Variants in HRH1 observed in about 807,000 individuals in gnomAD.
HRH1 encodes the protein histamine receptor H1, also known as histamine H1 receptor.
HRH1 carries 6 observed loss-of-function variants against 10.3 expected under a neutral mutation model. That is an observed-to-expected ratio of 0.58 (90% CI 0.32 to 1.15). The LOEUF (loss-of-function observed/expected upper bound fraction) is 1.15, where lower values mean the gene tolerates loss of function less well. Ranked by LOEUF, HRH1 falls within the 50% of genes most tolerant of loss-of-function variation. The pLI, the probability that HRH1 is intolerant of heterozygous loss-of-function variation, is 0.05. For missense variants in HRH1, 514 were observed against 615.3 expected (o/e 0.84, Z 1.74); for synonymous variants, 242 against 236.7 (o/e 1.02, Z -0.21).
chr3:11,217,243 A>G (rs1938539929), intron 1 of HRH1, among the ~76,000 whole-genome samples: 1 of 151,468 alleles, frequency 6.6e-6, no homozygotes, highest in Non-Finnish European at 1.5e-5. Flanking sequence ...AGAAAAACAA[A>G]GTGGGGCCAG....
chr3:11,190,253 T>C (rs1376113617), intron 1 of HRH1, among the ~76,000 whole-genome samples: 1 of 151,692 alleles, frequency 6.6e-6, no homozygotes, highest in African/African-American at 2.4e-5. Context: ...GGCTCACACC[T>C]GTAATCCCAG....
chr3:11,208,920 G>T (rs1938229233), intron 1 of HRH1, among the ~76,000 whole-genome samples: 1 of 152,148 alleles, frequency 6.6e-6, no homozygotes, highest in Admixed American at 6.5e-5. Flanking sequence ...ACATTTTAAA[G>T]ATTTTGAGTA....
chr3:11,140,330 C>T (rs987180197), intron 1 of HRH1, among the ~76,000 whole-genome samples: 2 of 151,992 alleles, frequency 1.3e-5, no homozygotes, highest in African/African-American at 2.4e-5. Flanking sequence ...GCAAAATAAG[C>T]GCCTTCCTCC....
chr3:11,235,509 T>C (rs1939156991), intron 1 of HRH1, among the ~76,000 whole-genome samples: 1 of 152,014 alleles, frequency 6.6e-6, no homozygotes, highest in Admixed American at 6.6e-5. Context: ...GGGAGCTCCA[T>C]CTCCCCACTA....
At chr3:11,231,549 A>G (rs993306514) in intron 1 of HRH1, among the ~76,000 whole-genome samples, 3 of 152,202 alleles carry the variant, frequency 2.0e-5, no homozygotes, top group Admixed American at 2.0e-4. Flanking sequence ...GTGCAGTGAT[A>G]TCTCGTTGTG....
At chr3:11,180,815 A>G (rs1241120606) in intron 1 of HRH1, among the ~76,000 whole-genome samples, 1 of 152,164 alleles carries the variant, frequency 6.6e-6, no homozygotes, top group Non-Finnish European at 1.5e-5. Flanking sequence ...ATAATATTTC[A>G]TTGTATAGAT....
intron 1 of HRH1, among the ~76,000 whole-genome samples, chr3:11,214,364 A>C (rs1017093203): frequency 1.3e-5 from 2 of 152,196 alleles, no homozygotes; most frequent in Non-Finnish European, 2.9e-5. Flanking sequence ...AGAGAGGCAG[A>C]AGTTATTAGT....
At chr3:11,250,772 C>G (rs2152586102) in intron 1 of HRH1, among the ~76,000 whole-genome samples, 1 of 152,320 alleles carries the variant, frequency 6.6e-6, no homozygotes, top group Non-Finnish European at 1.5e-5. Flanking sequence ...GGACTCTCAA[C>G]AGGGCAATAG....
intron 1 of HRH1, among the ~76,000 whole-genome samples, chr3:11,177,766 C>T (rs1251471091): frequency 6.6e-6 from 1 of 152,218 alleles, no homozygotes; most frequent in Non-Finnish European, 1.5e-5. Context: ...GGAATGAATT[C>T]ACTTTGCTTG....
chr3:11,251,397 C>T lies in HRH1; in HGVS notation c.-35-7606C>T, dbSNP rs566540035. Among the ~76,000 whole-genome samples the T allele has an allele frequency of 9.2e-5, 14 of 152,290 alleles. 1 individual carries two copies. The highest frequency in any genetic ancestry group is 3.4e-4 in the African/African-American group (14 of 41,550). On this transcript the variant is annotated intron_variant, in intron 1 of 1. Transcript: ENST00000431010. ...AGGTGTGGACTACTCCAAAGGCATA[C>T]GTGGAGTCAGTATAAATAGTTCCTT...
chr3:11,169,218 G>C (rs1409988669), intron 1 of HRH1, among the ~76,000 whole-genome samples: 1 of 152,152 alleles, frequency 6.6e-6, no homozygotes, highest in Non-Finnish European at 1.5e-5. Context: ...CTCCTTGCCT[G>C]GTGGGGGTGA....
intron 1 of HRH1, among the ~76,000 whole-genome samples, chr3:11,250,442 G>A (rs757910579): frequency 6.6e-6 from 1 of 151,774 alleles, no homozygotes; most frequent in Non-Finnish European, 1.5e-5. Context: ...CTCTCTCAAC[G>A]GTCCGGACTG....
chr3:11,243,154 T>C (rs1939394410), intron 1 of HRH1, among the ~76,000 whole-genome samples: 1 of 152,192 alleles, frequency 6.6e-6, no homozygotes, highest in Non-Finnish European at 1.5e-5. Flanking sequence ...CCTCAGGCAA[T>C]CCACCTGCTT....
intron 1 of HRH1, among the ~76,000 whole-genome samples, chr3:11,230,434 T>A (rs1302277761): frequency 6.6e-6 from 1 of 152,228 alleles, no homozygotes; most frequent in Non-Finnish European, 1.5e-5. Context: ...TACTGGATCC[T>A]ACTGAATCGA....
intron 1 of HRH1, among the ~76,000 whole-genome samples, chr3:11,215,480 G>A (rs571081869): frequency 4.3e-4 from 66 of 152,108 alleles, no homozygotes; most frequent in African/African-American, 1.3e-3. Flanking sequence ...TCGCTCTATC[G>A]CCCAGGCTGG....
chr3:11,181,909 G>A (rs575478499), intron 1 of HRH1, among the ~76,000 whole-genome samples: 3 of 152,126 alleles, frequency 2.0e-5, no homozygotes, highest in African/African-American at 7.2e-5. Context: ...GGGATTACAG[G>A]CATGAGCCAC....
At position 11,183,722 on chromosome 3, in the gene HRH1, CT is replaced by C. The variant is rs1251006297; in HGVS notation, c.-36+29181del. On this transcript the variant is annotated intron_variant, in intron 1 of 1. Transcript: ENST00000431010. ...TTTCCATGTTCTAGGCTGGAAATTT[CT>C]TTTTTTTTTTTTAAGAAGGAGTCTC... 3.0e-3 allele frequency among the ~76,000 whole-genome samples: 432 copies of C among 142,762 alleles called. 2 individuals are homozygous for C. The highest frequency in any genetic ancestry group is 0.017 in the South Asian group (76 of 4,504). The allele number at this position is 142,762 out of a possible 152,430, so 93.7% of individuals were successfully genotyped here.
At chr3:11,160,211 C>T (rs1363583365) in intron 1 of HRH1, among the ~76,000 whole-genome samples, 1 of 152,152 alleles carries the variant, frequency 6.6e-6, no homozygotes, top group Non-Finnish European at 1.5e-5. Flanking sequence ...TTTGTGGAAT[C>T]TCCATATTAT....
intron 1 of HRH1, among the ~76,000 whole-genome samples, chr3:11,223,463 C>T (rs955932747): frequency 6.6e-6 from 1 of 151,704 alleles, no homozygotes; most frequent in African/African-American, 2.4e-5. Flanking sequence ...GGCGCCACTG[C>T]GCTCCAGCCT....
Sources: allele counts gnomAD v4.1 joint callset (sites outside exome capture counted in the v4.1 genomes callset), GRCh38; gene constraint gnomAD v4.1.1; transcripts MANE v1.5; gene names NCBI Gene and HGNC (gene_info 2026-07-23, HGNC 2026-07-21).